CIROP: variants seen among roughly 807,000 people sequenced by gnomAD.
The protein encoded by CIROP is ciliated left-right organizer metallopeptidase.
At chr14:23,101,739 AGGTG>A in the CIROP span, 2 of 702,804 alleles carry the variant, frequency 2.8e-6, no homozygotes, top group Non-Finnish European at 5.2e-6. Flanking sequence ...TCCCTTGTCC[AGGTG>A]CAGGTAGTGG....
the CIROP span, chr14:23,101,924 T>C: frequency 4.3e-6 from 3 of 701,690 alleles, no homozygotes; most frequent in Non-Finnish European, 7.8e-6. Context: ...GCTTGACAGA[T>C]GAGAAGGAAA....
At chr14:23,101,278 C>A in the CIROP span, 2 of 473,442 alleles carry the variant, frequency 4.2e-6, no homozygotes, top group Non-Finnish European at 7.4e-6. Flanking sequence ...AACTACTACT[C>A]TTATGGTACC....
the CIROP span, chr14:23,102,794 C>T: frequency 1.4e-6 from 1 of 693,274 alleles, no homozygotes; most frequent in East Asian, 2.7e-5. Context: ...TCTGCCCAAT[C>T]AGCTCTTCCT....
chr14:23,102,672 T>C, the CIROP span: 21 of 702,778 alleles, frequency 3.0e-5, no homozygotes, highest in South Asian at 2.1e-4. Context: ...TGAAGAGCTG[T>C]CCAGAGAAAC....
the CIROP span, chr14:23,101,358 C>A: frequency 1.8e-6 from 1 of 543,924 alleles, no homozygotes; most frequent in Non-Finnish European, 3.2e-6. Context: ...TGTAAGCTCC[C>A]CTCCCTGTGC....
At chr14:23,101,484 A>T in the CIROP span, 1 of 608,758 alleles carries the variant, frequency 1.6e-6, no homozygotes, top group Non-Finnish European at 2.9e-6. Context: ...CAAAGAAGCA[A>T]CGGCTCTGGG....
chr14:23,103,568 A>AAAACAAAAC, the CIROP span: 1 of 461,228 alleles, frequency 2.2e-6, no homozygotes, highest in Non-Finnish European at 3.6e-6. Context: ...AAAGCAAAAT[A>AAAACAAAAC]AAACAAAACA....
At chr14:23,103,182 T>C in the CIROP span, 1 of 426,482 alleles carries the variant, frequency 2.3e-6, no homozygotes, top group South Asian at 9.2e-5. Context: ...AAGGGATGGC[T>C]GTGGGTGGGG....
the CIROP span, chr14:23,103,738 C>T: frequency 1.4e-6 from 1 of 702,936 alleles, no homozygotes; most frequent in Non-Finnish European, 2.6e-6. Context: ...TGTTTTGGAC[C>T]CCAGGCCCAT....
At chr14:23,104,678 C>T in the CIROP span, 1 of 702,992 alleles carries the variant, frequency 1.4e-6, no homozygotes, top group Non-Finnish European at 2.6e-6. Context: ...TCCCTTCTCC[C>T]TCAGGATCCC....
At chr14:23,101,661 C>T in the CIROP span, 3 of 703,042 alleles carry the variant, frequency 4.3e-6, no homozygotes, top group Non-Finnish European at 7.8e-6. Flanking sequence ...GCTCTCTTAT[C>T]TACTCACCCC....
the CIROP span, chr14:23,102,110 C>T: frequency 1.4e-6 from 1 of 703,070 alleles, no homozygotes; most frequent in South Asian, 1.5e-5. Context: ...CACAACAGCT[C>T]CTCTGCAGCG....
chr14:23,104,911 G>GCTTCTGTGTCTC, the CIROP span: 1 of 672,464 alleles, frequency 1.5e-6, no homozygotes, highest in South Asian at 1.6e-5. Flanking sequence ...AGCAGCAGCA[G>GCTTCTGTGTCTC]CAGCAGCATC....
chr14:23,104,324 G>A, the CIROP span: 2 of 697,742 alleles, frequency 2.9e-6, no homozygotes, highest in Non-Finnish European at 5.3e-6. Context: ...TAGGTGAGCT[G>A]AGGACATTTC....
the CIROP span, chr14:23,103,899 C>T: frequency 8.6e-5 from 55 of 642,620 alleles, 1 homozygote; most frequent in South Asian, 2.0e-4. Context: ...GAGAATGAAT[C>T]TCTTTGGTCT....
At chr14:23,103,431 G>C in the CIROP span, 1 of 451,158 alleles carries the variant, frequency 2.2e-6, no homozygotes, top group Non-Finnish European at 3.9e-6. Flanking sequence ...GTGCATGCCT[G>C]TAATCCTAGC....
chr14:23,104,846 A>G, the CIROP span: 2 of 702,552 alleles, frequency 2.8e-6, no homozygotes, highest in Non-Finnish European at 5.2e-6. Context: ...GTGTCTCATC[A>G]TGTAGACATC....
chr14:23,099,557 C>CTTTT, the CIROP span: 80 of 308,454 alleles, frequency 2.6e-4, no homozygotes, highest in East Asian at 3.7e-4. Context: ...GCGGCATTAC[C>CTTTT]TTTTTTTTTT....
At chr14:23,102,063 C>T in the CIROP span, 1 of 702,124 alleles carries the variant, frequency 1.4e-6, no homozygotes, top group Non-Finnish European at 2.6e-6. Flanking sequence ...GTCATGAGTG[C>T]CTCTCTGCAG....
Sources: gnomAD v4.1 joint callset for allele counts on GRCh38, gnomAD v4.1.1 for gene constraint, MANE v1.5 for transcripts, NCBI Gene and HGNC (gene_info 2026-07-23, HGNC 2026-07-21) for gene names.